The following CTNNA2 variants were observed in gnomAD, a reference collection of about 807,000 sequenced individuals.
CTNNA2 encodes catenin alpha 2, also known as catenin alpha-2.
CTNNA2 carries 42 observed loss-of-function variants against 101.0 expected under a neutral mutation model. The observed-to-expected ratio is 0.42, with a 90% CI of 0.32 to 0.54. The LOEUF (loss-of-function observed/expected upper bound fraction) is 0.54, where lower values mean the gene tolerates loss of function less well. Ranked by LOEUF, CTNNA2 falls within the 20% of genes least tolerant of loss-of-function variation. The pLI is 0.14. For synonymous variants in CTNNA2, 450 were observed against 456.4 expected (o/e 0.99, Z 0.18); for missense variants, 871 against 1,223.1 (o/e 0.71, Z 4.29).
At chr2:80,199,964 C>T (rs1573371064) in intron 7 of CTNNA2, among the ~76,000 whole-genome samples, 1 of 152,184 alleles carries the variant, frequency 6.6e-6, no homozygotes, top group Non-Finnish European at 1.5e-5. Context: ...GCTCACCTGA[C>T]TCTCTCCTAG....
At chr2:79,565,568 G>A (rs1395908490) in intron 1 of CTNNA2, among the ~76,000 whole-genome samples, 1 of 152,122 alleles carries the variant, frequency 6.6e-6, no homozygotes, top group Non-Finnish European at 1.5e-5. Flanking sequence ...CTGGAAACTC[G>A]CAGAAGTATT....
chr2:79,274,977 T>C (rs949503222), intron 2 of CTNNA2, among the ~76,000 whole-genome samples: 5 of 151,982 alleles, frequency 3.3e-5, no homozygotes, highest in Non-Finnish European at 7.4e-5. Context: ...GGATGGTTTC[T>C]TTGGACAAAG....
At chr2:80,397,158 A>G (rs929283648) in intron 8 of CTNNA2, among the ~76,000 whole-genome samples, 5 of 152,144 alleles carry the variant, frequency 3.3e-5, no homozygotes, top group African/African-American at 1.2e-4. Flanking sequence ...TTTTGACCCA[A>G]TTCCTTATGT....
intron 2 of CTNNA2, among the ~76,000 whole-genome samples, chr2:79,703,844 A>G (rs1685169814): frequency 1.3e-5 from 2 of 152,194 alleles, no homozygotes; most frequent in Admixed American, 1.3e-4. Flanking sequence ...AGTATTTTGT[A>G]TCATAGTGAA....
chr2:79,648,845 T>C (rs1394515790), intron 1 of CTNNA2, among the ~76,000 whole-genome samples: 3 of 152,190 alleles, frequency 2.0e-5, no homozygotes, highest in Admixed American at 1.3e-4. Context: ...AGAAACAGCA[T>C]GGCTGGAAAA....
chr2:79,909,946 G>C, intron 7 of CTNNA2, 149 bp downstream of exon 7: 2 of 745,748 alleles, frequency 2.7e-6, no homozygotes, highest in Non-Finnish European at 4.1e-6. Context: ...CTTTGGGAGA[G>C]CGCGTGTCGT....
At chr2:79,823,114 C>A (rs970901726) in intron 3 of CTNNA2, among the ~76,000 whole-genome samples, 1 of 152,138 alleles carries the variant, frequency 6.6e-6, no homozygotes, top group African/African-American at 2.4e-5. Flanking sequence ...CATAACAGAG[C>A]GACGACTTTT....
At chr2:80,298,177 T>A (rs1446242743) in intron 7 of CTNNA2, 1 of 152,112 alleles carries the variant, frequency 6.6e-6, no homozygotes, top group African/African-American at 2.4e-5. Context: ...TAATTCCTTT[T>A]TTTTGACATT....
intron 7 of CTNNA2, among the ~76,000 whole-genome samples, chr2:80,331,696 C>G (rs1671346652): frequency 1.3e-5 from 2 of 152,160 alleles, no homozygotes; most frequent in South Asian, 4.2e-4. Flanking sequence ...TAGCAAAAAC[C>G]AAAAGGGCAG....
intron 7 of CTNNA2, among the ~76,000 whole-genome samples, chr2:80,208,045 A>G (rs1268767377): frequency 6.6e-6 from 1 of 152,218 alleles, no homozygotes; most frequent in African/African-American, 2.4e-5. Context: ...TAAGTAGCTC[A>G]GAGAGAAGTC....
At chr2:79,957,584 G>C (rs1316492945) in intron 7 of CTNNA2, among the ~76,000 whole-genome samples, 1 of 152,162 alleles carries the variant, frequency 6.6e-6, no homozygotes, top group Non-Finnish European at 1.5e-5. Context: ...GAGTAATAAA[G>C]TCTTCTCCTT....
At position 79,595,198 on chromosome 2, in the gene CTNNA2, C is replaced by G. The variant is rs574804853; in HGVS notation, c.-5-56354C>G. 5.3e-5 allele frequency among the ~76,000 whole-genome samples: 8 copies of G among 152,284 alleles called. No individual in the cohort carries two copies. In the South Asian group the frequency reaches 1.4e-3, roughly 28 times the overall value. ...GGTTCTGCACTTGTCTCTGACTTAGCCTTGTCTTTTTTCATAGGTCTTCAT... is the reference window on the plus strand; with the variant it reads ...GGTTCTGCACTTGTCTCTGACTTAGGCTTGTCTTTTTTCATAGGTCTTCAT... On this transcript the variant is annotated intron_variant, in intron 1 of 18. Transcript: ENST00000402739.
chr2:79,656,026 G>A (rs531278500), intron 2 of CTNNA2, among the ~76,000 whole-genome samples: 30 of 152,226 alleles, frequency 2.0e-4, no homozygotes, highest in African/African-American at 7.0e-4. Context: ...GGCACTGTAA[G>A]TAGTCTTAAC....
chr2:79,235,670 A>G (rs966434676), intron 2 of CTNNA2, among the ~76,000 whole-genome samples: 1 of 152,140 alleles, frequency 6.6e-6, no homozygotes, highest in African/African-American at 2.4e-5. Flanking sequence ...ATCCGAGAGT[A>G]AGGGCTTGCC....
In CTNNA2 at chr2:80,596,279, G is replaced by GTTTTTTTTTTTTTT. The variant is rs60132060; in HGVS notation, c.2189+6829_2189+6842dup. 1.1e-3 allele frequency among the ~76,000 whole-genome samples: 39 copies of GTTTTTTTTTTTTTT among 35,324 alleles called. 14 individuals carry two copies. The highest frequency in any genetic ancestry group is 1.6e-3 in the Non-Finnish European group (30 of 18,620). 23.2% of individuals were successfully genotyped at this position (35,324 alleles called of 152,430 possible). On this transcript the variant is annotated intron_variant, in intron 15 of 18. Transcript: ENST00000402739. ...AGTTTTTTTGGGCTGAGACAAGGTT[G>GTTTTTTTTTTTTTT]TTTTTTTTTTTTTTTTTTTTTTTTT...
At chr2:79,793,764 A>G (rs1675467852) in intron 3 of CTNNA2, among the ~76,000 whole-genome samples, 1 of 152,160 alleles carries the variant, frequency 6.6e-6, no homozygotes, top group Non-Finnish European at 1.5e-5. Flanking sequence ...GGGCCAACCC[A>G]AATTATAGTG....
chr2:80,476,810 A>G (rs887927941), intron 9 of CTNNA2, among the ~76,000 whole-genome samples: 4 of 152,146 alleles, frequency 2.6e-5, no homozygotes, highest in African/African-American at 9.7e-5. Context: ...ACAGCTAATT[A>G]CATGTTGTTC....
At chr2:79,973,386 A>G (rs1690623238) in intron 7 of CTNNA2, among the ~76,000 whole-genome samples, 3 of 152,142 alleles carry the variant, frequency 2.0e-5, no homozygotes, top group Admixed American at 2.0e-4. Context: ...AGAGGCCGGT[A>G]CTATCTGTTG....
intron 7 of CTNNA2, among the ~76,000 whole-genome samples, chr2:80,076,887 A>T (rs1052319665): frequency 2.6e-5 from 4 of 151,998 alleles, no homozygotes; most frequent in Non-Finnish European, 4.4e-5. Context: ...CTACTAAAAA[A>T]TACAAAAAAA....
Sources: allele counts gnomAD v4.1 joint callset (sites outside exome capture counted in the v4.1 genomes callset), GRCh38; gene constraint gnomAD v4.1.1; transcripts MANE v1.5; gene names NCBI Gene and HGNC (gene_info 2026-07-23, HGNC 2026-07-21).